Variants in ZNF385D observed in about 807,000 individuals in gnomAD.
The protein encoded by ZNF385D is zinc finger protein 385D, also known as zinc finger protein 659.
ZNF385D carries 15 observed loss-of-function variants against 35.8 expected under a neutral mutation model. The ratio of observed to expected loss-of-function variants is 0.42; its 90% CI spans 0.28 to 0.64. The LOEUF (loss-of-function observed/expected upper bound fraction) is 0.64, where lower values mean the gene tolerates loss of function less well. Ranked by LOEUF, ZNF385D falls within the 30% of genes least tolerant of loss-of-function variation. The pLI is 0.23. For missense variants in ZNF385D, 474 were observed against 494.6 expected (o/e 0.96, Z 0.39); for synonymous variants, 212 against 186.8 (o/e 1.13, Z -1.10).
intron 2 of ZNF385D, among the ~76,000 whole-genome samples, chr3:22,230,299 A>G (rs1698810304): frequency 6.6e-6 from 1 of 152,196 alleles, no homozygotes; most frequent in Non-Finnish European, 1.5e-5. Flanking sequence ...ATAAAAAAAG[A>G]AGGAAAATGG....
chr3:22,020,708 G>A (rs9818439), intron 3 of ZNF385D, among the ~76,000 whole-genome samples: 71,489 of 151,784 alleles, frequency 0.47, 17,978 homozygotes, highest in East Asian at 0.81. Flanking sequence ...TCTATGAAAA[G>A]CAGTATGGAG....
At chr3:21,902,216 TAATGCTCTC>T (rs1459266596) in intron 3 of ZNF385D, among the ~76,000 whole-genome samples, 2 of 152,220 alleles carry the variant, frequency 1.3e-5, no homozygotes, top group African/African-American at 2.4e-5. Flanking sequence ...AATTCTTTTG[TAATGCTCTC>T]AATGGTCATC....
At chr3:22,076,595 T>G (rs1046074866) in intron 3 of ZNF385D, among the ~76,000 whole-genome samples, 3 of 151,928 alleles carry the variant, frequency 2.0e-5, no homozygotes, top group African/African-American at 7.2e-5. Flanking sequence ...TGTTTATGTT[T>G]CCTAGCCCAA....
intron 3 of ZNF385D, among the ~76,000 whole-genome samples, chr3:21,867,388 C>T (rs917912511): frequency 6.6e-6 from 1 of 152,124 alleles, no homozygotes; most frequent in Non-Finnish European, 1.5e-5. Context: ...TCAGGCCTCA[C>T]CTCTCCAGGT....
At chr3:21,665,750 C>A (rs1230714349) in intron 1 of ZNF385D, among the ~76,000 whole-genome samples, 2 of 152,094 alleles carry the variant, frequency 1.3e-5, no homozygotes, top group Non-Finnish European at 2.9e-5. Flanking sequence ...CAGTAAGTAG[C>A]CAGCCTTTTG....
intron 3 of ZNF385D, among the ~76,000 whole-genome samples, chr3:21,830,829 G>A (rs1466938687): frequency 6.6e-6 from 1 of 152,136 alleles, no homozygotes; most frequent in Non-Finnish European, 1.5e-5. Context: ...CCATTGCCTT[G>A]GGGTAGACAG....
chr3:21,669,624 C>G (rs1225009611), intron 1 of ZNF385D, among the ~76,000 whole-genome samples: 2 of 152,130 alleles, frequency 1.3e-5, no homozygotes, highest in Non-Finnish European at 2.9e-5. Flanking sequence ...AATAGGAACT[C>G]TAAACCAGTG....
chr3:22,059,048 G>A (rs1576239707), intron 3 of ZNF385D, among the ~76,000 whole-genome samples: 2 of 152,322 alleles, frequency 1.3e-5, no homozygotes, highest in Middle Eastern at 6.8e-3. Context: ...GACATTGGTA[G>A]GACACATTGT....
chr3:21,753,747 TA>T (rs1412071889), upstream of ZNF385D, among the ~76,000 whole-genome samples: 1 of 135,710 alleles, frequency 7.4e-6, no homozygotes, highest in East Asian at 2.1e-4. Context: ...ATACATTTAT[TA>T]AAAAATGCAA....
chr3:22,049,771 C>T lies in ZNF385D; in HGVS notation c.325+119046G>A, dbSNP rs141098151. Among the ~76,000 whole-genome samples the T allele has an allele frequency of 1.0e-3, 158 of 152,050 alleles. 4 individuals carry two copies. The East Asian group carries it at 0.029, about 28-fold the overall frequency. On this transcript the variant is annotated intron_variant, in intron 3 of 5. Transcript: ENST00000494108. ...CCATTGAAATGATATATTTTTTGTTCCTCATTCTGTTAATGTGGTATATTG... is the reference window on the plus strand; with the variant it reads ...CCATTGAAATGATATATTTTTTGTTTCTCATTCTGTTAATGTGGTATATTG...
intron 3 of ZNF385D, among the ~76,000 whole-genome samples, chr3:22,157,124 C>T (rs1705639319): frequency 6.6e-6 from 1 of 152,140 alleles, no homozygotes; most frequent in South Asian, 2.1e-4. Context: ...TGCGTGTGGA[C>T]TCTGGAACCA....
At chr3:21,688,568 T>A (rs1247038216) in intron 1 of ZNF385D, among the ~76,000 whole-genome samples, 2 of 152,182 alleles carry the variant, frequency 1.3e-5, no homozygotes, top group African/African-American at 4.8e-5. Context: ...ACTACATTCT[T>A]TCTGAATCTC....
intron 1 of ZNF385D, among the ~76,000 whole-genome samples, chr3:21,735,943 T>G (rs901923341): frequency 6.6e-6 from 1 of 152,210 alleles, no homozygotes; most frequent in African/African-American, 2.4e-5. Context: ...ATGTCCCTAC[T>G]ACCAAGATTC....
chr3:22,338,657 TA>T (rs1392466360), intron 2 of ZNF385D, among the ~76,000 whole-genome samples: 3 of 150,888 alleles, frequency 2.0e-5, no homozygotes, highest in Admixed American at 2.0e-4. Flanking sequence ...ATATTATAAA[TA>T]AAAAAGTAAA....
At position 22,121,917 on chromosome 3, in the gene ZNF385D, A is replaced by G. The variant is rs563611044; in HGVS notation, c.325+46900T>C. Among the ~76,000 whole-genome samples, 10 of 152,190 alleles carry G rather than the reference A, an allele frequency of 6.6e-5. No homozygotes were observed. The South Asian group carries it at 8.3e-4, about 13-fold the overall frequency. ...AGTATCTATGTGTCTTAGAAGTTCAAGGGGCTAATCTTAAGACAGACAGAT... is the reference window on the plus strand; with the variant it reads ...AGTATCTATGTGTCTTAGAAGTTCAGGGGGCTAATCTTAAGACAGACAGAT... On this transcript the variant is annotated intron_variant, in intron 3 of 5. Coordinates refer to the ZNF385D transcript ENST00000494108.
At chr3:22,236,826 G>A (rs918721255) in intron 2 of ZNF385D, among the ~76,000 whole-genome samples, 3 of 151,996 alleles carry the variant, frequency 2.0e-5, no homozygotes, top group Admixed American at 2.0e-4. Context: ...TTTGTGTCTG[G>A]CTTCTTGGAC....
intron 2 of ZNF385D, among the ~76,000 whole-genome samples, chr3:22,196,705 C>T (rs542910611): frequency 5.5e-4 from 83 of 152,100 alleles, no homozygotes; most frequent in Admixed American, 9.2e-4. Flanking sequence ...ACTTGTTTTA[C>T]GTCATTTATT....
At chr3:21,766,974 A>G (rs2070856430) in intron 3 of ZNF385D, among the ~76,000 whole-genome samples, 1 of 152,060 alleles carries the variant, frequency 6.6e-6, no homozygotes, top group Non-Finnish European at 1.5e-5. Flanking sequence ...CAATGGCCAT[A>G]TTTAGTGTAG....
intron 2 of ZNF385D, among the ~76,000 whole-genome samples, chr3:22,283,132 A>G (rs926098849): frequency 6.6e-6 from 1 of 152,144 alleles, no homozygotes; most frequent in Non-Finnish European, 1.5e-5. Flanking sequence ...ATAGTAAAAT[A>G]TCACAATCCT....
Sources: allele counts gnomAD v4.1 joint callset (sites outside exome capture counted in the v4.1 genomes callset), GRCh38; gene constraint gnomAD v4.1.1; transcripts MANE v1.5; gene names NCBI Gene and HGNC (gene_info 2026-07-23, HGNC 2026-07-21).